CDH13: variants seen among roughly 807,000 people sequenced by gnomAD.
The protein encoded by CDH13 is cadherin-13.
Under a neutral mutation model 63.8 loss-of-function variants are expected in CDH13, and 24 were observed. The ratio of observed to expected loss-of-function variants is 0.38; its 90% CI spans 0.27 to 0.53. The LOEUF (loss-of-function observed/expected upper bound fraction) is 0.53. CDH13 is among the 20% of genes least tolerant of loss of function. The pLI, the probability that CDH13 is intolerant of heterozygous loss-of-function variation, is 0.85. For missense variants in CDH13, 1,049 were observed against 903.1 expected, an observed-to-expected ratio of 1.16 and a Z score of -2.07; for synonymous variants, 503 against 355.3, an observed-to-expected ratio of 1.42 and a Z score of -4.67.
At chr16:83,710,346 A>G (rs575483428) in intron 10 of CDH13, 9 of 152,322 alleles carry the variant, frequency 5.9e-5, no homozygotes, top group African/African-American at 2.2e-4. Context: ...CATTTCGAAA[A>G]ACCTGGAGGC....
At chr16:82,670,782 T>C (rs771966332) in intron 1 of CDH13, among the ~76,000 whole-genome samples, 1 of 152,204 alleles carries the variant, frequency 6.6e-6, no homozygotes, top group Non-Finnish European at 1.5e-5. Flanking sequence ...TCAGTAAAAG[T>C]TGGAATTGAG....
chr16:83,182,347 G>A (rs1000894828), intron 4 of CDH13, among the ~76,000 whole-genome samples: 14 of 152,186 alleles, frequency 9.2e-5, no homozygotes, highest in African/African-American at 3.4e-4. Context: ...AGGAGAAGGT[G>A]GAAGAGTCAT....
intron 2 of CDH13, among the ~76,000 whole-genome samples, chr16:82,960,972 C>A (rs1213868617): frequency 6.6e-6 from 1 of 152,108 alleles, no homozygotes; most frequent in South Asian, 2.1e-4. Flanking sequence ...TTTTTCATTG[C>A]TGGAATGTTC....
chr16:83,351,889 G>A (rs1419663814), intron 6 of CDH13, among the ~76,000 whole-genome samples: 2 of 152,194 alleles, frequency 1.3e-5, no homozygotes, highest in African/African-American at 4.8e-5. Context: ...CATACTGATG[G>A]ATATTTTTGT....
In CDH13 at chr16:83,216,429, T is replaced by TATAA. The variant is rs1555513904; in HGVS notation, c.484-913_484-912insAATA. Reference sequence around the variant, plus strand: ...ATATATATATATATATATATATATATATATATATATATATACACAACCCTA... The same window carrying TATAA: ...ATATATATATATATATATATATATATATAAATATATATATATATACACAACCCTA... On this transcript the variant is annotated intron_variant, in intron 4 of 13. Transcript: ENST00000567109. 8.7e-4 allele frequency among the ~76,000 whole-genome samples: 92 copies of TATAA among 105,706 alleles called. 9 individuals carry two copies. Among genetic ancestry groups the TATAA allele is most frequent in the African/African-American group, 2.4e-3 (73 of 30,750 alleles). The allele number at this position is 105,706 out of a possible 152,430, so 69.3% of individuals were successfully genotyped here.
chr16:83,609,609 CT>C (rs1286623812), intron 8 of CDH13, among the ~76,000 whole-genome samples: 9 of 152,146 alleles, frequency 5.9e-5, no homozygotes, highest in Admixed American at 1.3e-4. Flanking sequence ...ACCTTTTCCT[CT>C]TAATAAATTA....
intron 1 of CDH13, among the ~76,000 whole-genome samples, chr16:82,846,889 CA>C (rs2039280546): frequency 6.6e-6 from 1 of 151,860 alleles, no homozygotes. Context: ...AAAACAATAG[CA>C]AAAAATAAAA....
intron 7 of CDH13, among the ~76,000 whole-genome samples, chr16:83,552,430 C>G (rs536517067): frequency 6.6e-6 from 1 of 152,324 alleles, no homozygotes; most frequent in East Asian, 1.9e-4. Flanking sequence ...TGCTCGTGCT[C>G]ACATGCTAAA....
At chr16:82,782,753 C>A (rs542967057) in intron 1 of CDH13, among the ~76,000 whole-genome samples, 1 of 152,220 alleles carries the variant, frequency 6.6e-6, no homozygotes, top group Non-Finnish European at 1.5e-5. Context: ...TGCTGGAATC[C>A]GGCCTTCTGT....
intron 1 of CDH13, among the ~76,000 whole-genome samples, chr16:82,691,265 G>A (rs1399116782): frequency 6.6e-6 from 1 of 152,204 alleles, no homozygotes; most frequent in Non-Finnish European, 1.5e-5. Context: ...GAGGCCACCT[G>A]CAGTCAGTCT....
At chr16:82,924,273 T>C (rs930541643) in intron 2 of CDH13, among the ~76,000 whole-genome samples, 4 of 126,720 alleles carry the variant, frequency 3.2e-5, no homozygotes, top group Non-Finnish European at 7.7e-5. Context: ...TAATGCTGAA[T>C]AGCAGCCTTG....
At chr16:83,743,988 C>T (rs1309486244) in intron 10 of CDH13, among the ~76,000 whole-genome samples, 2 of 151,694 alleles carry the variant, frequency 1.3e-5, no homozygotes, top group Non-Finnish European at 2.9e-5. Context: ...TTAACTGGGC[C>T]GCTTTTGACA....
At chr16:83,530,081 T>G (rs2075050422) in intron 7 of CDH13, among the ~76,000 whole-genome samples, 1 of 152,198 alleles carries the variant, frequency 6.6e-6, no homozygotes. Context: ...TTGTCTGTCT[T>G]CCTTCTAAAC....
chr16:82,671,627 G>C (rs913560070), intron 1 of CDH13, among the ~76,000 whole-genome samples: 1 of 152,132 alleles, frequency 6.6e-6, no homozygotes, highest in African/African-American at 2.4e-5. Flanking sequence ...AAAGAGCATA[G>C]GCCACCCCAG....
intron 11 of CDH13, among the ~76,000 whole-genome samples, chr16:83,756,724 G>T (rs957007458): frequency 5.2e-4 from 79 of 152,078 alleles, no homozygotes; most frequent in African/African-American, 1.7e-3. Context: ...GATGAAGGGA[G>T]GTATCAAAAA....
intron 6 of CDH13, among the ~76,000 whole-genome samples, chr16:83,411,879 GT>G (rs1298912239): frequency 6.6e-6 from 1 of 152,210 alleles, no homozygotes; most frequent in Non-Finnish European, 1.5e-5. Flanking sequence ...AAGGTAGATA[GT>G]AACATCCCAC....
intron 2 of CDH13, among the ~76,000 whole-genome samples, chr16:82,997,734 C>G (rs148688378): frequency 1.2e-4 from 18 of 152,298 alleles, no homozygotes; most frequent in African/African-American, 4.1e-4. Flanking sequence ...TCAGCTATAT[C>G]TAACATAGAA....
rs182561490 is a variant in CDH13 at position 83,535,153 on chromosome 16, G to A, written c.960+48498G>A. On this transcript the variant is annotated intron_variant, in intron 7 of 13. Transcript: ENST00000567109. The stretch of plus-strand genomic sequence containing the variant: ...TCATTAAGAGTTAACTGGGAGACCA[G>A]AGCATAAGGGGTGCTCCAGGCAGAG... Among the ~76,000 whole-genome samples the A allele has an allele frequency of 9.1e-3, 1,391 of 152,334 alleles. 7 individuals carry two copies. The highest frequency in any genetic ancestry group is 0.015 in the Non-Finnish European group (1,020 of 68,030).
intron 2 of CDH13, chr16:83,022,900 C>T (rs1204202777): frequency 6.6e-6 from 1 of 152,186 alleles, no homozygotes; most frequent in African/African-American, 2.4e-5. Flanking sequence ...TAGTTCATAC[C>T]TAGCTCTGCA....
Sources: allele counts gnomAD v4.1 joint callset (sites outside exome capture counted in the v4.1 genomes callset), GRCh38; gene constraint gnomAD v4.1.1; transcripts MANE v1.5; gene names NCBI Gene and HGNC (gene_info 2026-07-23, HGNC 2026-07-21).